Variants in PPARGC1A observed in about 807,000 individuals in gnomAD.
PPARGC1A encodes the protein peroxisome proliferator-activated receptor gamma coactivator 1-alpha.
A neutral mutation model predicts 88.7 loss-of-function variants in PPARGC1A; 25 were observed. That is an observed-to-expected ratio of 0.28 (90% confidence interval 0.21 to 0.39). The LOEUF is 0.39. Among genes scored for constraint, PPARGC1A ranks in the 10% least tolerant of loss-of-function variants. The pLI, the probability that PPARGC1A is intolerant of heterozygous loss-of-function variation, is 1.00. For missense variants in PPARGC1A, 880 were observed against 968.7 expected, an observed-to-expected ratio of 0.91 and a Z score of 1.22; for synonymous variants, 363 against 355.6, an observed-to-expected ratio of 1.02 and a Z score of -0.24.
the PPARGC1A span, among the ~76,000 whole-genome samples, chr4:24,059,041 AGTATTTTGT>A: frequency 8.5e-5 from 13 of 152,300 alleles, no homozygotes; most frequent in South Asian, 2.1e-3. Context: ...GAGGGTAGGT[AGTATTTTGT>A]GGTGTTTTAC....
chr4:24,174,021 A>G, the PPARGC1A span, among the ~76,000 whole-genome samples: 1 of 152,304 alleles, frequency 6.6e-6, no homozygotes, highest in East Asian at 1.9e-4. Context: ...GATTTGCAGC[A>G]ACAACAACAA....
At chr4:24,038,470 G>A in the PPARGC1A span, among the ~76,000 whole-genome samples, 7 of 152,248 alleles carry the variant, frequency 4.6e-5, no homozygotes, top group African/African-American at 1.4e-4. Flanking sequence ...TTATATTTCA[G>A]GGACCATGTT....
chr4:24,181,439 T>C, the PPARGC1A span, among the ~76,000 whole-genome samples: 1 of 152,208 alleles, frequency 6.6e-6, no homozygotes, highest in African/African-American at 2.4e-5. Flanking sequence ...GCTAATTCAT[T>C]TGAAATTCTT....
the PPARGC1A span, among the ~76,000 whole-genome samples, chr4:24,063,839 C>T: frequency 6.6e-6 from 1 of 152,202 alleles, no homozygotes; most frequent in African/African-American, 2.4e-5. Context: ...AATGCCTCCC[C>T]ATCCCCCTCT....
At chr4:24,032,258 A>G in the PPARGC1A span, among the ~76,000 whole-genome samples, 1 of 152,144 alleles carries the variant, frequency 6.6e-6, no homozygotes, top group African/African-American at 2.4e-5. Context: ...ACATATTACC[A>G]CTTCTATTTT....
chr4:23,829,777 C>T (rs1724670324), intron 3 of PPARGC1A, 192 bp from the exon 4 acceptor site: 4 of 365,598 alleles, frequency 1.1e-5, no homozygotes, highest in South Asian at 9.6e-5. Flanking sequence ...AAAAGTTTGG[C>T]ATTACACTAC....
At chr4:24,376,583 C>G in the PPARGC1A span, among the ~76,000 whole-genome samples, 2 of 152,208 alleles carry the variant, frequency 1.3e-5, no homozygotes, top group African/African-American at 2.4e-5. Context: ...GTTTCCCTAA[C>G]TAGCTCACTG....
upstream of PPARGC1A, among the ~76,000 whole-genome samples, chr4:23,900,379 A>G (rs1013967994): frequency 6.6e-6 from 1 of 152,034 alleles, no homozygotes. Context: ...TCTGTTACTT[A>G]TTATCTATCT....
chr4:24,303,994 T>C, the PPARGC1A span, among the ~76,000 whole-genome samples: 1 of 152,176 alleles, frequency 6.6e-6, no homozygotes, highest in Non-Finnish European at 1.5e-5. Context: ...ATTAACCAGT[T>C]TTATTGACAA....
chr4:24,047,584 T>C, the PPARGC1A span, among the ~76,000 whole-genome samples: 2 of 152,190 alleles, frequency 1.3e-5, no homozygotes, highest in Non-Finnish European at 2.9e-5. Context: ...ACACAGCTAG[T>C]GTGTAAAGTG....
chr4:24,445,001 G>A, the PPARGC1A span, among the ~76,000 whole-genome samples: 1 of 151,962 alleles, frequency 6.6e-6, no homozygotes, highest in Non-Finnish European at 1.5e-5. Context: ...GCAGTGAGCT[G>A]TGATTGCGCC....
At chr4:24,062,527 C>T in the PPARGC1A span, among the ~76,000 whole-genome samples, 7 of 152,186 alleles carry the variant, frequency 4.6e-5, no homozygotes, top group East Asian at 1.2e-3. Context: ...CAGCTCATCT[C>T]ACAATTCCAT....
chr4:24,405,581 G>A, the PPARGC1A span, among the ~76,000 whole-genome samples: 18 of 152,226 alleles, frequency 1.2e-4, no homozygotes, highest in African/African-American at 1.9e-4. Context: ...GGTGCTCCAC[G>A]CCTGTGAATG....
chr4:23,864,291 GA>G (rs1385753210), intron 2 of PPARGC1A, among the ~76,000 whole-genome samples: 1 of 152,198 alleles, frequency 6.6e-6, no homozygotes, highest in African/African-American at 2.4e-5. Flanking sequence ...CCCATTGTCT[GA>G]TTGTGTCACC....
rs202037885 is a variant in PPARGC1A at position 23,805,230 on chromosome 4, GA to G, written c.2020-2886del. On this transcript the variant is annotated intron_variant, in intron 10 of 12. Transcript: ENST00000264867. The stretch of plus-strand genomic sequence containing the variant: ...AAGTTAGATTTGGTGTTTTATCACA[GA>G]AAAAAAAAAAAACCTTGCTCAAGTA... Among the ~76,000 whole-genome samples, 856 of 138,832 alleles carry G rather than the reference GA, an allele frequency of 6.2e-3. 14 individuals carry two copies. The East Asian group carries it at 0.063, about 10-fold the overall frequency. 91.1% of individuals were successfully genotyped at this position (138,832 alleles called of 152,430 possible). A position where few individuals can be genotyped will look rare whatever the true frequency, so the allele number is the denominator to read the frequency against.
At chr4:23,838,279 G>A (rs1479480413) in intron 2 of PPARGC1A, among the ~76,000 whole-genome samples, 3 of 151,970 alleles carry the variant, frequency 2.0e-5, no homozygotes, top group Non-Finnish European at 4.4e-5. Flanking sequence ...TTATACCCAA[G>A]TGTGGGCACT....
chr4:24,430,251 A>ATTTTTTTTTT, the PPARGC1A span, among the ~76,000 whole-genome samples: 11 of 131,732 alleles, frequency 8.4e-5, no homozygotes, highest in East Asian at 9.3e-4. Flanking sequence ...GATATTTTGT[A>ATTTTTTTTTT]TTTCTTTTTT....
At chr4:24,168,428 G>C in the PPARGC1A span, among the ~76,000 whole-genome samples, 1 of 152,154 alleles carries the variant, frequency 6.6e-6, no homozygotes, top group Non-Finnish European at 1.5e-5. Context: ...ATAACTCCTT[G>C]AGGCCTAAAA....
chr4:24,196,961 G>A, the PPARGC1A span, among the ~76,000 whole-genome samples: 1 of 152,192 alleles, frequency 6.6e-6, no homozygotes, highest in Non-Finnish European at 1.5e-5. Context: ...AAGAGACAGT[G>A]TGTTTGAATG....
Sources: allele counts gnomAD v4.1 joint callset (sites outside exome capture counted in the v4.1 genomes callset), GRCh38; gene constraint gnomAD v4.1.1; transcripts MANE v1.5; gene names NCBI Gene and HGNC (gene_info 2026-07-23, HGNC 2026-07-21).